PRKACA: variants seen among roughly 807,000 people sequenced by gnomAD.
The protein encoded by PRKACA is protein kinase cAMP-activated catalytic subunit alpha.
PRKACA carries 9 observed loss-of-function variants against 45.8 expected under a neutral mutation model. That is an observed-to-expected ratio of 0.20 (90% confidence interval 0.12 to 0.34). The LOEUF (loss-of-function observed/expected upper bound fraction) is 0.34. Ranked by LOEUF, PRKACA falls within the 10% of genes least tolerant of loss-of-function variation. The probability of loss-of-function intolerance (pLI) is 1.00; values close to 1 mark genes in which losing one functional copy is unlikely to be tolerated. For missense variants in PRKACA, 238 were observed against 458.6 expected (o/e 0.52, Z 4.39); for synonymous variants, 160 against 178.6 (o/e 0.90, Z 0.83).
At chr19:14,105,121 G>GA (rs1448519372) in intron 3 of PRKACA, among the ~76,000 whole-genome samples, 1 of 151,934 alleles carries the variant, frequency 6.6e-6, no homozygotes. Flanking sequence ...GGAGGACTGG[G>GA]AAAAAAACAA....
rs186700926 is a variant in PRKACA at position 14,093,104 on chromosome 19, G to T, written c.*8C>A. The T allele has an allele frequency of 2.6e-5, 41 of 1,557,038 alleles. No homozygotes were observed. The highest frequency in any genetic ancestry group is 3.2e-5 in the Non-Finnish European group (37 of 1,148,270). On this transcript the variant is annotated 3_prime_UTR_variant, in exon 10 of 10. Coordinates refer to ENST00000308677, the MANE Select transcript of PRKACA (RefSeq NM_002730.4). ...AAAAAGAAAACCCATGGGGGCACAGGCATGCCCCTAAAACTCAGAAAACTC... is the reference window on the plus strand; with the variant it reads ...AAAAAGAAAACCCATGGGGGCACAGTCATGCCCCTAAAACTCAGAAAACTC...
rs186249339 is a variant in PRKACA at position 14,097,703 on chromosome 19, G to C, written c.547-29C>G. On this transcript the variant is annotated intron_variant, in intron 6 of 9. Coordinates refer to ENST00000308677, the MANE Select transcript of PRKACA (RefSeq NM_002730.4). This position sits in a 1 kb window ranked among gnomAD's most constrained non-coding sequence, Gnocchi z 5.4. ...TGGGCACAAGAACAGGCAGTTGGCA[G>C]GGAGGAAGGGTCCAGGCCACGGCTT... 1.6e-5 allele frequency: 26 copies of C among 1,611,934 alleles called. No homozygotes were observed. In the Admixed American group the frequency reaches 1.7e-4, roughly 10 times the overall value.
In PRKACA at chr19:14,102,908, T is replaced by C; in HGVS notation, c.244A>G (p.Lys82Glu). 1 of 1,613,776 alleles carries C rather than the reference T, an allele frequency of 6.2e-7. No individual in the cohort carries two copies. The highest frequency in any genetic ancestry group is 8.5e-7 in the Non-Finnish European group (1 of 1,179,670). ...AGGGTGTGTTCGATCTGTTTCAGTT[T>C]CACCACCTGGGAAGGGAAGGAGGGG... is the stretch of plus-strand genomic sequence containing the variant. ...MKILDKQKVV[K>E]LKQIEHTLNE... The change falls in exon 4 of 10, where the codon AAA becomes GAA. Residue 82 changes from lysine to glutamate, a missense_variant. Physicochemically the swap from Lys to Glu is moderately conservative, Grantham distance 56 (BLOSUM62 1). This residue lies in a region of PRKACA where 93 missense variants were observed against 149.1 expected (regional missense o/e 0.62). Transcript: ENST00000308677.
chr19:14,113,773 C>G (rs1967037809), intron 1 of PRKACA, among the ~76,000 whole-genome samples: 1 of 149,238 alleles, frequency 6.7e-6, no homozygotes, highest in Admixed American at 6.7e-5. Flanking sequence ...TGACACAACT[C>G]TGAGCTGGAC....
In PRKACA at chr19:14,102,689, C is replaced by T. The variant is rs1023335924; in HGVS notation, c.336+127G>A. Reference sequence around the variant, plus strand: ...ACTCCTGTCCCCTGATCTCCCTCCTCCAGGGATCTTGTTCTTCCACAAAAG... The same window carrying T: ...ACTCCTGTCCCCTGATCTCCCTCCTTCAGGGATCTTGTTCTTCCACAAAAG... On this transcript the variant is annotated intron_variant, in intron 4 of 9. Transcript: ENST00000308677. The T allele has an allele frequency of 5.0e-6, 4 of 804,310 alleles. No individual in the cohort carries two copies. In the African/African-American group the frequency reaches 5.1e-5, roughly 10 times the overall value. The allele number at this position is 804,310 out of a possible 1,614,324, so 49.8% of individuals were successfully genotyped here.
chr19:14,109,758 T>TG (rs1255724314), intron 1 of PRKACA, among the ~76,000 whole-genome samples: 1 of 149,248 alleles, frequency 6.7e-6, no homozygotes, highest in East Asian at 2.0e-4. Flanking sequence ...GCCAACATGG[T>TG]GAAACCCCGT....
rs930191374 is a variant in PRKACA at position 14,115,065 on chromosome 19, A to G, written c.46+2437T>C. ...ATCCTCTCAGAATCAGAGCGCCTCA[A>G]AGCAAAGAGGGACTTCCTTCCTCAT... On this transcript the variant is annotated intron_variant, in intron 1 of 9. Coordinates refer to ENST00000308677, the MANE Select transcript of PRKACA (RefSeq NM_002730.4). The G allele has an allele frequency of 7.4e-5, 73 of 985,190 alleles. No homozygotes were observed. The African/African-American group carries it at 1.1e-3, about 15-fold the overall frequency. The allele number at this position is 985,190 out of a possible 1,614,324, so 61.0% of individuals were successfully genotyped here. A position where few individuals can be genotyped will look rare whatever the true frequency, so the allele number is the denominator to read the frequency against.
intron 1 of PRKACA, among the ~76,000 whole-genome samples, chr19:14,110,711 C>A (rs1459146847): frequency 6.6e-6 from 1 of 152,138 alleles, no homozygotes. Context: ...TACAAGGGAC[C>A]AGCCCCTTGC....
At chr19:14,107,505 G>T in intron 1 of PRKACA, 96 bp from the exon 2 acceptor site, 1 of 1,446,276 alleles carries the variant, frequency 6.9e-7, no homozygotes. Flanking sequence ...AAAGTGGGGT[G>T]CAGTTCCAAC....
chr19:14,093,817 G>A (rs1422828964), intron 8 of PRKACA, 25 bp from the exon 9 acceptor site: 14 of 1,597,090 alleles, frequency 8.8e-6, no homozygotes, highest in Non-Finnish European at 1.2e-5. Flanking sequence ...ACAAGGACAG[G>A]GTGGGAAGCT....
intron 4 of PRKACA, among the ~76,000 whole-genome samples, chr19:14,101,792 C>CA (rs1394606444): frequency 6.7e-6 from 1 of 149,996 alleles, no homozygotes; most frequent in Non-Finnish European, 1.5e-5. Context: ...ACCCAGGAGT[C>CA]AGAGGTTGTG....
chr19:14,098,562 C>G (rs1977339786), intron 5 of PRKACA: 1 of 151,492 alleles, frequency 6.6e-6, no homozygotes, highest in East Asian at 1.9e-4. Flanking sequence ...ATGGCATAAT[C>G]TCGGCTCACT....
At chr19:14,115,811 A>G (rs1032115469) in intron 1 of PRKACA, among the ~76,000 whole-genome samples, 1 of 152,012 alleles carries the variant, frequency 6.6e-6, no homozygotes, top group Non-Finnish European at 1.5e-5. Flanking sequence ...ACCGCAATAT[A>G]TAGCTGCCTG....
At chr19:14,098,814 G>GAAA (rs78905737) in intron 5 of PRKACA, among the ~76,000 whole-genome samples, 2 of 90,670 alleles carry the variant, frequency 2.2e-5, no homozygotes, top group Non-Finnish European at 4.7e-5. Context: ...TATGTTATTG[G>GAAA]AAAAAAAAAA....
In PRKACA at chr19:14,092,574, T is replaced by G; in HGVS notation, c.*538A>C. ...TTAAATAAGATTTTAAATTGTTGTT[T>G]TTTTAAAAAAATTCTAGCAAGCAAC... On this transcript the variant is annotated 3_prime_UTR_variant, in exon 10 of 10. Coordinates refer to ENST00000308677, the MANE Select transcript of PRKACA (RefSeq NM_002730.4). The G allele has an allele frequency of 2.5e-6, 1 of 398,752 alleles. No homozygotes were observed. Among genetic ancestry groups the G allele is most frequent in the Non-Finnish European group, 4.4e-6 (1 of 226,062 alleles). 24.7% of individuals were successfully genotyped at this position (398,752 alleles called of 1,614,324 possible).
intron 1 of PRKACA, among the ~76,000 whole-genome samples, chr19:14,116,389 C>G (rs1220453552): frequency 6.6e-6 from 1 of 152,176 alleles, no homozygotes; most frequent in Non-Finnish European, 1.5e-5. Context: ...TGGGAATGAT[C>G]AGAATCACTA....
At chr19:14,113,976 G>A (rs895287719) in intron 1 of PRKACA, among the ~76,000 whole-genome samples, 2 of 152,108 alleles carry the variant, frequency 1.3e-5, no homozygotes, top group East Asian at 1.9e-4. Flanking sequence ...TCCCCAGGCC[G>A]CACAGCCCGG....
intron 4 of PRKACA, chr19:14,101,194 T>C: frequency 2.7e-6 from 1 of 365,250 alleles, no homozygotes; most frequent in South Asian, 3.3e-5. Context: ...GCCACAGTTT[T>C]GTCATCTGTA....
chr19:14,112,721 G>C (rs925664815), intron 1 of PRKACA: 1 of 152,636 alleles, frequency 6.6e-6, no homozygotes, highest in Non-Finnish European at 1.5e-5. Context: ...GCCCCAGGGC[G>C]GGGCGATAAA....
Sources: allele counts gnomAD v4.1 joint callset (sites outside exome capture counted in the v4.1 genomes callset), GRCh38; gene constraint gnomAD v4.1.1; regional missense constraint gnomAD v4.1.1; non-coding constraint Gnocchi (gnomAD v3.1); transcripts MANE v1.5; gene names NCBI Gene and HGNC (gene_info 2026-07-23, HGNC 2026-07-21).